Variants in NT5C1B observed in about 807,000 individuals in gnomAD.
The protein encoded by NT5C1B is 5'-nucleotidase, cytosolic IB, also known as cytosolic 5'-nucleotidase 1B.
Under a neutral mutation model 57.8 loss-of-function variants are expected in NT5C1B, and 44 were observed. The observed-to-expected ratio is 0.76, with a 90% CI of 0.60 to 0.98. The LOEUF (loss-of-function observed/expected upper bound fraction) is 0.98. NT5C1B is among the 50% of genes least tolerant of loss of function. The pLI is 0.00. For synonymous variants in NT5C1B, 284 were observed against 282.6 expected, an observed-to-expected ratio of 1.00 and a Z score of -0.05; for missense variants, 742 against 719.5, an observed-to-expected ratio of 1.03 and a Z score of -0.36.
exon 3 of NT5C1B, chr2:18,586,382 C>T: frequency 6.2e-7 from 1 of 1,613,976 alleles, no homozygotes; most frequent in South Asian, 1.1e-5. Flanking sequence ...AGTGATGATT[C>T]TTGTGATCCC....
intron 2 of NT5C1B, chr2:18,586,920 A>G (rs1558390876): frequency 6.2e-7 from 1 of 1,607,928 alleles, no homozygotes; most frequent in South Asian, 1.1e-5. Context: ...AAGAGTTTCT[A>G]TTTGCCATAT....
exon 9 of NT5C1B, chr2:18,562,997 A>G (rs984049537): frequency 6.6e-6 from 1 of 152,124 alleles, no homozygotes; most frequent in Non-Finnish European, 1.5e-5. Flanking sequence ...AACAAAAATC[A>G]TGAGAGAATG....
chr2:18,579,289 T>C (rs1449384400), intron 6 of NT5C1B, among the ~76,000 whole-genome samples: 5 of 152,106 alleles, frequency 3.3e-5, no homozygotes, highest in Non-Finnish European at 7.4e-5. Context: ...GAAAAAACTA[T>C]TTGGAAATTC....
intron 6 of NT5C1B, among the ~76,000 whole-genome samples, chr2:18,581,185 A>G (rs1342702428): frequency 6.6e-6 from 1 of 152,214 alleles, no homozygotes; most frequent in Admixed American, 6.5e-5. Context: ...ACTACGGGTA[A>G]AAGTGTACAT....
Position 18,584,603 on chromosome 2 carries a change from G to T in NT5C1B, c.634C>A (p.Arg212=). 1.3e-6 allele frequency: 2 copies of T among 1,592,130 alleles called. No homozygotes were observed. Among genetic ancestry groups the T allele is most frequent in the South Asian group, 1.1e-5 (1 of 88,534 alleles). Residue 212 remains arginine, a synonymous_variant, in exon 4 of 9, where the codon CGG becomes AGG. Transcript: ENST00000304081. The surrounding 1 kb of genome is among the most constrained non-coding windows in gnomAD (Gnocchi z 5.8). ...GCCTCGTAGTCGTCCTCGTCCTCCCGCTGCTGCTGCTGCTGCTCGGACAGA... is the reference window on the plus strand; with the variant it reads ...GCCTCGTAGTCGTCCTCGTCCTCCCTCTGCTGCTGCTGCTGCTCGGACAGA...
At chr2:18,578,562 A>G (rs1558379913) in intron 6 of NT5C1B, among the ~76,000 whole-genome samples, 1 of 152,060 alleles carries the variant, frequency 6.6e-6, no homozygotes, top group Non-Finnish European at 1.5e-5. Context: ...CTATATGATA[A>G]TCTCAATAGA....
chr2:18,571,721 T>C (rs1178069141), intron 8 of NT5C1B, among the ~76,000 whole-genome samples: 2 of 2,166 alleles, frequency 9.2e-4, no homozygotes, highest in Non-Finnish European at 2.4e-3. Flanking sequence ...TGTGTGTGTA[T>C]ATATATATAT....
intron 6 of NT5C1B, among the ~76,000 whole-genome samples, chr2:18,578,089 G>T (rs1178425469): frequency 1.3e-5 from 2 of 152,068 alleles, no homozygotes; most frequent in African/African-American, 4.8e-5. Context: ...CTGAAACCCT[G>T]AACTGACCAA....
At chr2:18,566,656 T>C (rs1301921343) in intron 8 of NT5C1B, among the ~76,000 whole-genome samples, 1 of 152,198 alleles carries the variant, frequency 6.6e-6, no homozygotes, top group Non-Finnish European at 1.5e-5. Flanking sequence ...AGTACCCATC[T>C]CATTCTCTTT....
chr2:18,573,511 CAA>C (rs1665398472), intron 8 of NT5C1B, among the ~76,000 whole-genome samples: 1 of 151,730 alleles, frequency 6.6e-6, no homozygotes, highest in Admixed American at 6.6e-5. Context: ...AATGGTGAGA[CAA>C]GAGATAGGGA....
intron 8 of NT5C1B, among the ~76,000 whole-genome samples, chr2:18,570,863 A>G (rs1665086911): frequency 6.6e-6 from 1 of 152,238 alleles, no homozygotes; most frequent in African/African-American, 2.4e-5. Flanking sequence ...ATTAATACCA[A>G]CAATGCAAAG....
exon 9 of NT5C1B, chr2:18,563,829 T>C (rs949756131): frequency 6.3e-7 from 1 of 1,587,104 alleles, no homozygotes; most frequent in Non-Finnish European, 8.6e-7. Flanking sequence ...AGCCATAAGC[T>C]GCGATGGAAC....
chr2:18,586,907 TAA>T (rs1197429325), intron 2 of NT5C1B: 2 of 1,598,780 alleles, frequency 1.3e-6, no homozygotes, highest in Non-Finnish European at 8.5e-7. Flanking sequence ...AACAGCAAAG[TAA>T]AAGAGTTTCT....
intron 6 of NT5C1B, among the ~76,000 whole-genome samples, chr2:18,579,188 C>A (rs1665963061): frequency 6.6e-6 from 1 of 152,134 alleles, no homozygotes; most frequent in Non-Finnish European, 1.5e-5. Flanking sequence ...TAGGAAGAAT[C>A]AATTTTGTTA....
Position 18,586,295 on chromosome 2 carries a change from G to A in NT5C1B, c.217C>T (p.Pro73Ser), listed in dbSNP as rs368550960. Residue 73 changes from proline (P) to serine (S), a missense_variant, in exon 3 of 9, where the codon CCA becomes TCA. Coordinates refer to ENST00000304081, the Ensembl canonical transcript of NT5C1B. Reference sequence around the variant, plus strand: ...CTGCTTCTAGGCTCATCTATGGATGGAGCCTTGGTGGATGGGCTCCGGGAT... The same window carrying A: ...CTGCTTCTAGGCTCATCTATGGATGAAGCCTTGGTGGATGGGCTCCGGGAT... The A allele has an allele frequency of 1.9e-4, 310 of 1,613,948 alleles. No individual in the cohort carries two copies. The highest frequency in any genetic ancestry group is 2.5e-4 in the Non-Finnish European group (291 of 1,180,016).
chr2:18,582,678 A>C (rs975826292), intron 6 of NT5C1B, among the ~76,000 whole-genome samples, 190 bp downstream of exon 6: 1 of 152,164 alleles, frequency 6.6e-6, no homozygotes, highest in African/African-American at 2.4e-5. Context: ...TTTGAGCCCA[A>C]CTCTGTGCTG....
At chr2:18,573,090 C>G (rs1275182651) in intron 8 of NT5C1B, among the ~76,000 whole-genome samples, 1 of 152,114 alleles carries the variant, frequency 6.6e-6, no homozygotes, top group Non-Finnish European at 1.5e-5. Context: ...TGTGGTACAT[C>G]CACAGAATAG....
chr2:18,576,816 A>G (rs1439287595), exon 7 of NT5C1B: 3 of 1,613,940 alleles, frequency 1.9e-6, no homozygotes, highest in Non-Finnish European at 2.5e-6. Flanking sequence ...CTGCAGCAAT[A>G]TACAAGTTGG....
At chr2:18,583,932 G>A (rs1448765133) in intron 5 of NT5C1B, 156 bp downstream of exon 5, 4 of 1,337,864 alleles carry the variant, frequency 3.0e-6, no homozygotes, top group South Asian at 2.5e-5. Flanking sequence ...AAGCCTGTGC[G>A]AAATCATAAA....
Sources: allele counts gnomAD v4.1 joint callset (sites outside exome capture counted in the v4.1 genomes callset), GRCh38; gene constraint gnomAD v4.1.1; non-coding constraint Gnocchi (gnomAD v3.1); transcripts MANE v1.5; gene names NCBI Gene and HGNC (gene_info 2026-07-23, HGNC 2026-07-21).